CFAP91: variants seen among roughly 807,000 people sequenced by gnomAD.
CFAP91 encodes cilia and flagella associated protein 91, also known as cilia- and flagella-associated protein 91.
Under a neutral mutation model 95.9 loss-of-function variants are expected in CFAP91, and 85 were observed. That is an observed-to-expected ratio of 0.89 (90% CI 0.74 to 1.06). The LOEUF is 1.06. Among genes scored for constraint, CFAP91 ranks in the 50% least tolerant of loss-of-function variants. CFAP91 has a pLI of 0.00. For synonymous variants in CFAP91, 335 were observed against 327.5 expected, an observed-to-expected ratio of 1.02 and a Z score of -0.25; for missense variants, 962 against 943.4, an observed-to-expected ratio of 1.02 and a Z score of -0.26.
At chr3:119,739,818 A>G (rs1273257826) in intron 12 of CFAP91, among the ~76,000 whole-genome samples, 1 of 152,130 alleles carries the variant, frequency 6.6e-6, no homozygotes, top group African/African-American at 2.4e-5. Flanking sequence ...TGCTCTACAT[A>G]TGTTGTCTCA....
At chr3:119,707,033 GCATCT>G in intron 2 of CFAP91, 148 bp downstream of exon 2, 1 of 651,478 alleles carries the variant, frequency 1.5e-6, no homozygotes. Flanking sequence ...GGAGGGCAAA[GCATCT>G]TAATACGTGT....
rs535329115 is a variant in CFAP91 at position 119,763,384 on chromosome 3, A to G, written c.*2-1668A>G. 3.9e-5 allele frequency among the ~76,000 whole-genome samples: 6 copies of G among 152,208 alleles called. No individual in the cohort carries two copies. The South Asian group carries it at 1.2e-3, about 32-fold the overall frequency. On this transcript the variant is annotated intron_variant, in intron 17 of 17. Coordinates refer to ENST00000273390, the MANE Select transcript of CFAP91 (RefSeq NM_033364.4). ...ATTGTTGGTGGGAATGTAAATTAGT[A>G]CAGCCATTGTGGAAAACATTATGGA...
In CFAP91 at chr3:119,744,795, C is replaced by G. The variant is rs80017292; in HGVS notation, c.1902+599C>G. ...TGGAATTTAGAAATGAGGGTTTGGC[C>G]GAAGATGTAAATTTGGAAGTTGGTG... is the stretch of plus-strand genomic sequence containing the variant. On this transcript the variant is annotated intron_variant, in intron 14 of 17. Transcript: ENST00000273390. 4.7e-3 allele frequency among the ~76,000 whole-genome samples: 720 copies of G among 152,174 alleles called. 4 individuals are homozygous for G. Among genetic ancestry groups the G allele is most frequent in the Middle Eastern group, 0.024 (7 of 294 alleles).
At position 119,750,813 on chromosome 3, in the gene CFAP91, T is replaced by C. The variant is rs1415972863; in HGVS notation, c.2144-124T>C. ...TGGGAACAGAGGGAGCAGAAAGAAATTAGATTTGGGTTGGGTTTTACCTTT... is the reference window on the plus strand; with the variant it reads ...TGGGAACAGAGGGAGCAGAAAGAAACTAGATTTGGGTTGGGTTTTACCTTT... On this transcript the variant is annotated intron_variant, in intron 16 of 17. Coordinates refer to ENST00000273390, the MANE Select transcript of CFAP91 (RefSeq NM_033364.4). 7.9e-6 allele frequency: 8 copies of C among 1,009,398 alleles called. No individual in the cohort carries two copies. In the East Asian group the frequency reaches 2.1e-4, roughly 26 times the overall value. The allele number at this position is 1,009,398 out of a possible 1,614,324, so 62.5% of individuals were successfully genotyped here.
chr3:119,753,872 GAC>G (rs1259038523), intron 17 of CFAP91, among the ~76,000 whole-genome samples: 1 of 152,172 alleles, frequency 6.6e-6, no homozygotes, highest in Non-Finnish European at 1.5e-5. Context: ...TTTGTGATTA[GAC>G]ACAGTCTTTA....
rs957906079 is a variant in CFAP91, at chr3:119,765,443, A to G, written c.*393A>G. ...CTAAGGCTGAAAATGTGCATATTCC[A>G]TGACTCAGGATTTTATCTCCTAGAT... On this transcript the variant is annotated 3_prime_UTR_variant, in exon 18 of 18. Transcript: ENST00000273390. The G allele has an allele frequency of 6.6e-6, 1 of 152,208 alleles. No homozygotes were observed. Among genetic ancestry groups the G allele is most frequent in the Non-Finnish European group, 1.5e-5 (1 of 68,030 alleles). The allele number at this position is 152,208 out of a possible 1,614,324, so 9.4% of individuals were successfully genotyped here. A position where few individuals can be genotyped will look rare whatever the true frequency, so the allele number is the denominator to read the frequency against.
At chr3:119,718,974 CAT>C (rs768320805) in intron 6 of CFAP91, among the ~76,000 whole-genome samples, 38 of 150,914 alleles carry the variant, frequency 2.5e-4, no homozygotes, top group Non-Finnish European at 4.0e-4. Flanking sequence ...CACCAAAAGA[CAT>C]ATACAAGAAA....
At chr3:119,746,032 A>G (rs951489662) in intron 14 of CFAP91, among the ~76,000 whole-genome samples, 8 of 152,250 alleles carry the variant, frequency 5.3e-5, no homozygotes, top group African/African-American at 1.7e-4. Context: ...GAGACAGCAT[A>G]CATATACAGG....
chr3:119,741,838 C>T (rs907881735), intron 13 of CFAP91, among the ~76,000 whole-genome samples: 80 of 152,222 alleles, frequency 5.3e-4, no homozygotes, highest in African/African-American at 1.8e-3. Context: ...CACATGACAG[C>T]AGCACCATGG....
chr3:119,709,439 T>G (rs569973130), intron 4 of CFAP91, among the ~76,000 whole-genome samples: 218 of 152,344 alleles, frequency 1.4e-3, no homozygotes, highest in Non-Finnish European at 1.2e-3. Flanking sequence ...GGAGGCTTCA[T>G]ATTAAATCAC....
chr3:119,736,277 T>G (rs938207777), intron 10 of CFAP91, among the ~76,000 whole-genome samples: 1 of 138,618 alleles, frequency 7.2e-6, no homozygotes, highest in Non-Finnish European at 1.5e-5. Flanking sequence ...TGTTTTTTTT[T>G]TTTTTTTTTT....
intron 6 of CFAP91, among the ~76,000 whole-genome samples, chr3:119,723,140 A>G (rs1430825758): frequency 1.3e-5 from 2 of 152,228 alleles, no homozygotes; most frequent in Non-Finnish European, 2.9e-5. Context: ...CTAAAAATAT[A>G]TGTAATTCAT....
At chr3:119,709,789 T>C in intron 4 of CFAP91, 50 bp from the exon 5 acceptor site, 1 of 1,275,384 alleles carries the variant, frequency 7.8e-7, no homozygotes, top group African/African-American at 1.5e-5. Context: ...GAGCTTAGAG[T>C]GCATTCATTG....
chr3:119,744,014 A>G lies in CFAP91; in HGVS notation c.1720A>G (p.Arg574Gly), dbSNP rs759088298. 4.8e-5 allele frequency: 77 copies of G among 1,613,618 alleles called. No homozygotes were observed. The highest frequency in any genetic ancestry group is 1.7e-4 in the Middle Eastern group (1 of 6,056). The change falls in exon 14 of 18, where the codon AGG (arginine) becomes GGG (glycine). Residue 574 changes from arginine (R) to glycine (G), a missense_variant. Transcript: ENST00000273390. ...VENHLAGLEG[R>G]ALADMFDFLS... is the part of the protein sequence containing the mutation. ...AAACCATTTGGCCGGACTGGAAGGAAGGGCACTAGCAGACATGTTTGACTT... is the reference window on the plus strand; with the variant it reads ...AAACCATTTGGCCGGACTGGAAGGAGGGGCACTAGCAGACATGTTTGACTT...
At chr3:119,717,550 G>GGTTTTTTTTTTTTTTTTTTTTTTTT (rs1553706268) in intron 6 of CFAP91, among the ~76,000 whole-genome samples, 1 of 130,192 alleles carries the variant, frequency 7.7e-6, no homozygotes, top group Non-Finnish European at 1.6e-5. Flanking sequence ...AAATACGTTG[G>GGTTTTTTTTTTTTTTTTTTTTTTTT]TTTTTTTTTT....
chr3:119,747,295 A>G, intron 15 of CFAP91, 32 bp downstream of exon 15: 2 of 1,596,166 alleles, frequency 1.3e-6, no homozygotes, highest in East Asian at 2.2e-5. Context: ...TGTAGAATGG[A>G]CAGCCCATTT....
rs900481165 is a variant in CFAP91 at position 119,765,084 on chromosome 3, A to T, written c.*34A>T. 2.0e-5 allele frequency: 3 copies of T among 152,188 alleles called. No homozygotes were observed. The highest frequency in any genetic ancestry group is 4.4e-5 in the Non-Finnish European group (3 of 68,024). The allele number at this position is 152,188 out of a possible 1,614,324, so 9.4% of individuals were successfully genotyped here. A position where few individuals can be genotyped will look rare whatever the true frequency, so the allele number is the denominator to read the frequency against. ...TTTTTTTGTAAAAGAAGCTGTACGA[A>T]TCATCATAAATAATTCCAATAGTCT... On this transcript the variant is annotated 3_prime_UTR_variant, in exon 18 of 18. Coordinates refer to ENST00000273390, the MANE Select transcript of CFAP91 (RefSeq NM_033364.4).
rs199686774 is a variant in CFAP91, at chr3:119,706,813, A to G, written c.129A>G (p.Pro43=). The G allele has an allele frequency of 6.2e-7, 1 of 1,612,740 alleles. No homozygotes were observed. Residue 43 remains proline, a synonymous_variant, in exon 2 of 18, where the codon CCA becomes CCG. Coordinates refer to ENST00000273390, the MANE Select transcript of CFAP91 (RefSeq NM_033364.4). ...SNRAYDFLYD[P]LFIVSSEKDH... ...ACTTGATTGTTTATTTTGCAGATCCATTGTTTATTGTGTCAAGTGAGAAAG... is the reference window on the plus strand; with the variant it reads ...ACTTGATTGTTTATTTTGCAGATCCGTTGTTTATTGTGTCAAGTGAGAAAG...
At chr3:119,720,160 A>G (rs2053654216) in intron 6 of CFAP91, among the ~76,000 whole-genome samples, 2 of 151,794 alleles carry the variant, frequency 1.3e-5, no homozygotes, top group Non-Finnish European at 1.5e-5. Context: ...AGGCTGAGGC[A>G]GGTGGATCAC....
Sources: allele counts gnomAD v4.1 joint callset (sites outside exome capture counted in the v4.1 genomes callset), GRCh38; gene constraint gnomAD v4.1.1; transcripts MANE v1.5; gene names NCBI Gene and HGNC (gene_info 2026-07-23, HGNC 2026-07-21).